The following MYCBP2 variants were observed in gnomAD, a reference collection of about 807,000 sequenced individuals.
MYCBP2 encodes E3 ubiquitin-protein ligase MYCBP2.
Under a neutral mutation model 525.3 loss-of-function variants are expected in MYCBP2, and 120 were observed. The observed-to-expected ratio is 0.23, with a 90% CI of 0.20 to 0.27. The LOEUF (loss-of-function observed/expected upper bound fraction) is 0.27, where lower values mean the gene tolerates loss of function less well. MYCBP2 is among the 10% of genes least tolerant of loss of function. The probability of loss-of-function intolerance (pLI) is 1.00; values close to 1 mark genes in which losing one functional copy is unlikely to be tolerated. For missense variants in MYCBP2, 4,149 were observed against 5,657.1 expected, an observed-to-expected ratio of 0.73 and a Z score of 8.55; for synonymous variants, 1,894 against 1,955.8, an observed-to-expected ratio of 0.97 and a Z score of 0.83.
At chr13:77,232,401 T>C (rs764341964) in intron 18 of MYCBP2, among the ~76,000 whole-genome samples, 27 of 152,186 alleles carry the variant, frequency 1.8e-4, no homozygotes, top group Non-Finnish European at 3.4e-4. Context: ...AAATTTTATA[T>C]AAATTTATAA....
At chr13:77,125,308 A>C in intron 54 of MYCBP2, 28 bp downstream of exon 54, 1 of 1,612,916 alleles carries the variant, frequency 6.2e-7, no homozygotes, top group South Asian at 1.1e-5. Flanking sequence ...GCTTAATTGG[A>C]ATAAATCACA....
intron 55 of MYCBP2, among the ~76,000 whole-genome samples, chr13:77,109,044 A>G (rs1174048929): frequency 1.3e-5 from 2 of 152,204 alleles, no homozygotes; most frequent in Non-Finnish European, 2.9e-5. Context: ...GAAAGCAGGT[A>G]CCAGCAACTC....
At chr13:77,224,577 T>C (rs1566971630) in intron 19 of MYCBP2, 45 bp from the exon 20 acceptor site, 1 of 1,175,454 alleles carries the variant, frequency 8.5e-7, no homozygotes, top group South Asian at 1.3e-5. Flanking sequence ...ATATGCATTT[T>C]ACATTTCTAT....
intron 14 of MYCBP2, among the ~76,000 whole-genome samples, chr13:77,251,719 CATCCTCCTACTGCCACCA>C (rs1315267818): frequency 6.6e-6 from 1 of 152,180 alleles, no homozygotes; most frequent in African/African-American, 2.4e-5. Flanking sequence ...CACTCTAGAT[CATCCTCCTACTGCCACCA>C]ATCACCCTCC....
At chr13:77,190,789 T>C (rs932117195) in intron 28 of MYCBP2, among the ~76,000 whole-genome samples, 3 of 152,168 alleles carry the variant, frequency 2.0e-5, no homozygotes, top group African/African-American at 7.2e-5. Flanking sequence ...TAACAACAGA[T>C]GTGATTTTTC....
intron 14 of MYCBP2, among the ~76,000 whole-genome samples, chr13:77,251,855 T>C (rs1202327831): frequency 6.6e-6 from 1 of 152,144 alleles, no homozygotes. Context: ...CTCCTAATTT[T>C]CTCCAATCTC....
intron 1 of MYCBP2, among the ~76,000 whole-genome samples, chr13:77,317,334 C>T (rs1458737316): frequency 6.6e-6 from 1 of 152,220 alleles, no homozygotes; most frequent in East Asian, 1.9e-4. Context: ...TCATAGCGCC[C>T]TCTGTTGGAA....
chr13:77,130,793 C>A (rs373362862), intron 52 of MYCBP2, among the ~76,000 whole-genome samples: 1 of 151,832 alleles, frequency 6.6e-6, no homozygotes, highest in Non-Finnish European at 1.5e-5. Flanking sequence ...TTTTTTTTAG[C>A]GTATTCTATT....
intron 1 of MYCBP2, among the ~76,000 whole-genome samples, chr13:77,321,454 A>T (rs965661619): frequency 6.6e-6 from 1 of 152,238 alleles, no homozygotes; most frequent in Non-Finnish European, 1.5e-5. Flanking sequence ...ACTTCCTGAC[A>T]TATTCCTACA....
At position 77,169,224 on chromosome 13, in the gene MYCBP2, G is replaced by A. The variant is rs568467175; in HGVS notation, c.5895+390C>T. On this transcript the variant is annotated intron_variant, in intron 39 of 82. Transcript: ENST00000544440. The stretch of plus-strand genomic sequence containing the variant: ...GAGATCGAGACCACGGTGAAACCCC[G>A]TCTCTACTAAAAATACAAAAAATTA... Among the ~76,000 whole-genome samples, 19 of 151,998 alleles carry A rather than the reference G, an allele frequency of 1.3e-4. No individual in the cohort carries two copies. The East Asian group carries it at 3.3e-3, about 26-fold the overall frequency.
chr13:77,079,026 C>T, intron 65 of MYCBP2, 137 bp from the exon 66 acceptor site: 1 of 647,654 alleles, frequency 1.5e-6, no homozygotes. Context: ...CCCACCCCAT[C>T]CCTCCAACTA....
rs2043274622 is a variant in MYCBP2, at chr13:77,081,316, G to A, written c.11418+111C>T. 2.3e-6 allele frequency: 2 copies of A among 875,424 alleles called. No individual in the cohort carries two copies. Among genetic ancestry groups the A allele is most frequent in the Admixed American group, 2.3e-5 (1 of 44,210 alleles). The allele number at this position is 875,424 out of a possible 1,614,324, so 54.2% of individuals were successfully genotyped here. On this transcript the variant is annotated intron_variant, in intron 65 of 82. Transcript: ENST00000544440. This position sits in a 1 kb window ranked among gnomAD's most constrained non-coding sequence, Gnocchi z 4.6. ...TTGGGGATTATAGCAATGATGTTTG[G>A]TTGGTGAAATTCCAGGTGATAAAGC...
In MYCBP2 at chr13:77,142,906, T is replaced by C. The variant is rs143321266; in HGVS notation, c.7303+1539A>G. 8.7e-3 allele frequency among the ~76,000 whole-genome samples: 1,323 copies of C among 152,260 alleles called. 20 individuals carry two copies. The highest frequency in any genetic ancestry group is 0.03 in the African/African-American group (1,231 of 41,534). On this transcript the variant is annotated intron_variant, in intron 49 of 82. Transcript: ENST00000544440. Reference sequence around the variant, plus strand: ...ACAACTATTCCAAAATCAGAAAAAGTCCAAAATCTAGAATACTTCTGGTGC... The same window carrying C: ...ACAACTATTCCAAAATCAGAAAAAGCCCAAAATCTAGAATACTTCTGGTGC...
rs143783438 is a variant in MYCBP2, at chr13:77,110,432, T to C, written c.8140+10941A>G. Among the ~76,000 whole-genome samples the C allele has an allele frequency of 6.5e-3, 993 of 152,310 alleles. 6 individuals carry two copies. The highest frequency in any genetic ancestry group is 0.023 in the African/African-American group (946 of 41,566). On this transcript the variant is annotated intron_variant, in intron 55 of 82. Coordinates refer to ENST00000544440, the MANE Select transcript of MYCBP2 (RefSeq NM_015057.5). The stretch of plus-strand genomic sequence containing the variant: ...TCTGCTCTTGAACCCTGTTTTCTGT[T>C]AAGATGTTTATCAAGACAATACGTG...
rs757834459 is a variant in MYCBP2 at position 77,224,540 on chromosome 13, CA to C, written c.2858-9del. 6.4e-7 allele frequency: 1 copy of C among 1,564,578 alleles called. No individual in the cohort carries two copies. The highest frequency in any genetic ancestry group is 1.4e-5 in the African/African-American group (1 of 73,914). The stretch of plus-strand genomic sequence containing the variant: ...CATTTTCCATTAAAACCACTGCAAC[CA>C]AAACACACAGCTTTATTTTTTCATT... On this transcript the variant is annotated splice_polypyrimidine_tract_variant and intron_variant, in intron 19 of 82. Coordinates refer to ENST00000544440, the MANE Select transcript of MYCBP2 (RefSeq NM_015057.5).
intron 81 of MYCBP2, among the ~76,000 whole-genome samples, chr13:77,051,476 C>T (rs2036802896): frequency 6.6e-6 from 1 of 152,154 alleles, no homozygotes; most frequent in African/African-American, 2.4e-5. Context: ...TGAAATTAAC[C>T]TCTCTTATAA....
chr13:77,069,800 G>A (rs1353147804), intron 69 of MYCBP2, among the ~76,000 whole-genome samples: 2 of 151,614 alleles, frequency 1.3e-5, no homozygotes, highest in Non-Finnish European at 2.9e-5. Flanking sequence ...CCCAGGAGGC[G>A]GAGCTTGCAG....
intron 20 of MYCBP2, among the ~76,000 whole-genome samples, chr13:77,224,097 T>C (rs28532764): frequency 2.6e-5 from 4 of 152,344 alleles, no homozygotes; most frequent in South Asian, 2.1e-4. Flanking sequence ...TTTGAATCCA[T>C]TGCTGACATT....
intron 36 of MYCBP2, 44 bp from the exon 37 acceptor site, chr13:77,174,533 G>A (rs1479606055): frequency 1.3e-6 from 2 of 1,482,730 alleles, no homozygotes; most frequent in Non-Finnish European, 1.9e-6. Flanking sequence ...ACAATGTACA[G>A]AGGATATATA....
Sources: gnomAD v4.1 joint callset for allele counts (sites outside exome capture counted in the v4.1 genomes callset) on GRCh38, gnomAD v4.1.1 for gene constraint, Gnocchi (gnomAD v3.1) non-coding constraint, MANE v1.5 for transcripts, NCBI Gene and HGNC (gene_info 2026-07-23, HGNC 2026-07-21) for gene names.